The following TBXA2R variants were observed in gnomAD, a reference collection of about 807,000 sequenced individuals.
TBXA2R encodes thromboxane A2 receptor.
A neutral mutation model predicts 15.6 loss-of-function variants in TBXA2R; 15 were observed. The observed-to-expected ratio is 0.96, with a 90% CI of 0.64 to 1.48. The LOEUF is 1.48. Among genes scored for constraint, TBXA2R ranks in the 40% most tolerant of loss-of-function variants. The probability of loss-of-function intolerance (pLI) is 0.00; values close to 1 mark genes in which losing one functional copy is unlikely to be tolerated. For synonymous variants in TBXA2R, 280 were observed against 241.2 expected, an observed-to-expected ratio of 1.16 and a Z score of -1.49; for missense variants, 506 against 491.4, an observed-to-expected ratio of 1.03 and a Z score of -0.28.
chr19:3,600,727 G>C lies in TBXA2R; in HGVS notation c.-83-10C>G, dbSNP rs1051295648. ...ACTGGTTCAGGCACACCTGGGAGGC[G>C]AGAGAAGATTTGCTTGTGATTAATT... On this transcript the variant is annotated splice_polypyrimidine_tract_variant and intron_variant, in intron 1 of 2. Coordinates refer to ENST00000375190, the MANE Select transcript of TBXA2R (RefSeq NM_001060.6). 1.4e-6 allele frequency: 2 copies of C among 1,434,348 alleles called. No individual in the cohort carries two copies. The highest frequency in any genetic ancestry group is 4.9e-5 in the East Asian group (2 of 40,446). 88.9% of individuals were successfully genotyped at this position (1,434,348 alleles called of 1,614,324 possible). A position where few individuals can be genotyped will look rare whatever the true frequency, so the allele number is the denominator to read the frequency against.
At chr19:3,600,745 G>T in intron 1 of TBXA2R, 28 bp from the exon 2 acceptor site, 1 of 1,255,440 alleles carries the variant, frequency 8.0e-7, no homozygotes, top group Non-Finnish European at 1.1e-6. Context: ...ATTTGCTTGT[G>T]ATTAATTCTG....
intron 1 of TBXA2R, among the ~76,000 whole-genome samples, chr19:3,603,451 T>C (rs909274142): frequency 1.3e-5 from 2 of 152,164 alleles, no homozygotes; most frequent in Non-Finnish European, 2.9e-5. Flanking sequence ...CCGGGCTGCT[T>C]TGGCGCCTGG....
Position 3,600,664 on chromosome 19 carries a change from A to G in TBXA2R, c.-30T>C. The stretch of plus-strand genomic sequence containing the variant: ...CCGGAGCCCTGAGGGATCAGTCACC[A>G]CCCCATCAGGCCGATGCTGCAGACA... On this transcript the variant is annotated 5_prime_UTR_variant, in exon 2 of 3. Transcript: ENST00000375190. 2 of 1,607,316 alleles carry G rather than the reference A, an allele frequency of 1.2e-6. No individual in the cohort carries two copies. The highest frequency in any genetic ancestry group is 3.4e-5 in the Admixed American group (2 of 59,290).
rs187462468 is a variant in TBXA2R, at chr19:3,603,331, G to A, written c.-83-2614C>T. 2.3e-3 allele frequency among the ~76,000 whole-genome samples: 349 copies of A among 152,352 alleles called. 1 individual carries two copies. Among genetic ancestry groups the A allele is most frequent in the African/African-American group, 8.1e-3 (335 of 41,580 alleles). On this transcript the variant is annotated intron_variant, in intron 1 of 2. Coordinates refer to ENST00000375190, the MANE Select transcript of TBXA2R (RefSeq NM_001060.6). ...ACTCCCTTCCTGGGAAGACAGCTAAGGCCACTGCCACCGTGGTGGGAGGCA... is the reference window on the plus strand; with the variant it reads ...ACTCCCTTCCTGGGAAGACAGCTAAAGCCACTGCCACCGTGGTGGGAGGCA...
At position 3,595,645 on chromosome 19, in the gene TBXA2R, AG is replaced by A; in HGVS notation, c.*42del. 2.0e-6 allele frequency: 3 copies of A among 1,530,560 alleles called. No individual in the cohort carries two copies. The South Asian group carries it at 3.7e-5, about 19-fold the overall frequency. The allele number at this position is 1,530,560 out of a possible 1,614,324, so 94.8% of individuals were successfully genotyped here. A position where few individuals can be genotyped will look rare whatever the true frequency, so the allele number is the denominator to read the frequency against. On this transcript the variant is annotated 3_prime_UTR_variant, in exon 3 of 3. Coordinates refer to ENST00000375190, the MANE Select transcript of TBXA2R (RefSeq NM_001060.6). ...GGCAGATGGGCTGTCCGAGGGGCCA[AG>A]GGCTCCGCGGAAAGGCGCGGGAGGG...
rs201579602 is a variant in TBXA2R at position 3,600,515 on chromosome 19, G to A, written c.120C>T (p.Ala40=). The change falls in exon 2 of 3, where the codon GCC becomes GCT. Residue 40 remains alanine (A), a synonymous_variant. Transcript: ENST00000375190. ...FAASFCVVGL[A]SNLLALSVLA... Reference sequence around the variant, plus strand: ...GCACGCTCAGGGCCAGCAGGTTGGAGGCCAGGCCCACCACGCAGAAGGAGG... The same window carrying A: ...GCACGCTCAGGGCCAGCAGGTTGGAAGCCAGGCCCACCACGCAGAAGGAGG... The A allele has an allele frequency of 3.9e-5, 63 of 1,612,394 alleles. 1 individual carries two copies. The Middle Eastern group carries it at 2.0e-3, about 51-fold the overall frequency.
chr19:3,600,487 C>T lies in TBXA2R; in HGVS notation c.148G>A (p.Ala50Thr). 1 of 1,612,928 alleles carries T rather than the reference C, an allele frequency of 6.2e-7. No individual in the cohort carries two copies. Among genetic ancestry groups the T allele is most frequent in the Non-Finnish European group, 8.5e-7 (1 of 1,179,664 alleles). ...ASNLLALSVL[A>T]GARQGGSHTR... ...TGCGAACCCCCCTGCCGCGCGCCCG[C>T]CAGCACGCTCAGGGCCAGCAGGTTG... The change falls in exon 2 of 3, where the codon GCG (alanine) becomes ACG (threonine). Residue 50 changes from alanine to threonine, a missense_variant. Physicochemically the swap from Ala to Thr is moderately conservative, Grantham distance 58. Coordinates refer to ENST00000375190, the MANE Select transcript of TBXA2R (RefSeq NM_001060.6).
chr19:3,606,295 C>T (rs1441187517), intron 1 of TBXA2R, among the ~76,000 whole-genome samples: 1 of 152,224 alleles, frequency 6.6e-6, no homozygotes, highest in African/African-American at 2.4e-5. Flanking sequence ...CAGAGAGCCC[C>T]CCGGACAGAA....
At chr19:3,603,025 G>A (rs2032768080) in intron 1 of TBXA2R, among the ~76,000 whole-genome samples, 1 of 142,826 alleles carries the variant, frequency 7.0e-6, no homozygotes, top group Non-Finnish European at 1.5e-5. Flanking sequence ...GACAGAGCGA[G>A]ACTCCATCTC....
In TBXA2R at chr19:3,600,533, G is replaced by A. The variant is rs1168151590; in HGVS notation, c.102C>T (p.Phe34=). ...GGTTGGAGGCCAGGCCCACCACGCA[G>A]AAGGAGGCGGCGAACCAGGGCGAGG... The part of the protein sequence containing the change: ...LIASPWFAAS[F]CVVGLASNLL... The change falls in exon 2 of 3, where the codon TTC becomes TTT. Residue 34 remains phenylalanine (F), a synonymous_variant. Transcript: ENST00000375190. The A allele has an allele frequency of 1.2e-6, 2 of 1,612,082 alleles. No individual in the cohort carries two copies. The highest frequency in any genetic ancestry group is 4.5e-5 in the East Asian group (2 of 44,816).
Position 3,594,517 on chromosome 19 carries a change from T to A in TBXA2R, c.*1171A>T, listed in dbSNP as rs2032555804. On this transcript the variant is annotated 3_prime_UTR_variant, in exon 3 of 3. Transcript: ENST00000375190. Reference sequence around the variant, plus strand: ...AACAATCGCGCCCGGCCCATTTATATCTACTTTTAATGACACACAGATTCA... The same window carrying A: ...AACAATCGCGCCCGGCCCATTTATAACTACTTTTAATGACACACAGATTCA... 1 of 185,042 alleles carries A rather than the reference T, an allele frequency of 5.4e-6. No individual in the cohort carries two copies. The highest frequency in any genetic ancestry group is 5.6e-5 in the Admixed American group (1 of 17,708). The allele number at this position is 185,042 out of a possible 1,614,324, so 11.5% of individuals were successfully genotyped here.
At chr19:3,602,221 A>AAAAAC (rs761472064) in intron 1 of TBXA2R, among the ~76,000 whole-genome samples, 2 of 152,154 alleles carry the variant, frequency 1.3e-5, no homozygotes, top group African/African-American at 2.4e-5. Flanking sequence ...ACTCCGTCTA[A>AAAAAC]AAAACAAAAC....
rs555842062 is a variant in TBXA2R, at chr19:3,595,857, T to G, written c.863A>C (p.Lys288Thr). 2 of 1,610,878 alleles carry G rather than the reference T, an allele frequency of 1.2e-6. No homozygotes were observed. The highest frequency in any genetic ancestry group is 1.7e-6 in the Non-Finnish European group (2 of 1,178,968). The change falls in exon 3 of 3, where the codon AAG becomes ACG. Residue 288 changes from lysine to threonine, a missense_variant. By Grantham distance (78) the Lys-to-Thr change is moderately conservative. Transcript: ENST00000375190. The part of the protein sequence containing the change: ...PAGQLSRTTE[K>T]ELLIYLRVAT... ...CACGCGCAAGTAGATGAGCAGCTCC[T>G]TCTCCGTGGTGCGGGACAGCTGCCC...
At chr19:3,601,398 A>AT (rs2032736667) in intron 1 of TBXA2R, among the ~76,000 whole-genome samples, 3 of 151,532 alleles carry the variant, frequency 2.0e-5, no homozygotes, top group Non-Finnish European at 4.4e-5. Context: ...AGTGGTATGC[A>AT]CCTGTAATCC....
chr19:3,606,434 A>AC (rs991506039), intron 1 of TBXA2R, 96 bp downstream of exon 1: 1 of 152,720 alleles, frequency 6.5e-6, no homozygotes, highest in Non-Finnish European at 1.5e-5. Flanking sequence ...TTTGCGACAC[A>AC]CCCACAGCAG....
Position 3,600,045 on chromosome 19 carries a change from C to T in TBXA2R, c.590G>A (p.Gly197Glu). The T allele has an allele frequency of 1.2e-6, 2 of 1,612,644 alleles. No homozygotes were observed. Among genetic ancestry groups the T allele is most frequent in the South Asian group, 2.2e-5 (2 of 91,016 alleles). ...GCCGCCCAGCATGGAGAAGAGCAGC[C>T]CGAAGGCCACGTCCCCGGACTCGGC... is the stretch of plus-strand genomic sequence containing the variant. ...LGAESGDVAF[G>E]LLFSMLGGLS... Residue 197 changes from glycine to glutamate, a missense_variant, in exon 2 of 3, where the codon GGG (glycine) becomes GAG (glutamate). Coordinates refer to ENST00000375190, the MANE Select transcript of TBXA2R (RefSeq NM_001060.6).
rs1198625496 is a variant in TBXA2R, at chr19:3,595,505, G to C, written c.*183C>G. On this transcript the variant is annotated 3_prime_UTR_variant, in exon 3 of 3. Transcript: ENST00000375190. ...GGGGCCGAGGAAGGGAGAGTGCTTG[G>C]TAAAAGGATCAGGGAGGAGTTGGGG... is the stretch of plus-strand genomic sequence containing the variant. The C allele has an allele frequency of 7.0e-7, 1 of 1,430,052 alleles. No individual in the cohort carries two copies. Among genetic ancestry groups the C allele is most frequent in the Non-Finnish European group, 9.1e-7 (1 of 1,095,918 alleles). The allele number at this position is 1,430,052 out of a possible 1,614,324, so 88.6% of individuals were successfully genotyped here. A position where few individuals can be genotyped will look rare whatever the true frequency, so the allele number is the denominator to read the frequency against.
At chr19:3,604,779 T>G (rs1453715404) in intron 1 of TBXA2R, among the ~76,000 whole-genome samples, 1 of 152,188 alleles carries the variant, frequency 6.6e-6, no homozygotes, top group African/African-American at 2.4e-5. Context: ...CTGGCTGTAC[T>G]CACAGCTCAA....
intron 2 of TBXA2R, among the ~76,000 whole-genome samples, chr19:3,598,878 C>T (rs1216383088): frequency 2.0e-5 from 3 of 152,050 alleles, no homozygotes; most frequent in Admixed American, 2.0e-4. Flanking sequence ...CCATGTTGGC[C>T]AGCATGGTCT....
Sources: allele counts gnomAD v4.1 joint callset (sites outside exome capture counted in the v4.1 genomes callset), GRCh38; gene constraint gnomAD v4.1.1; transcripts MANE v1.5; gene names NCBI Gene and HGNC (gene_info 2026-07-23, HGNC 2026-07-21).